CCDC192: variants seen among roughly 807,000 people sequenced by gnomAD.
The protein encoded by CCDC192 is coiled-coil domain containing 192, also known as coiled-coil domain-containing protein 192.
intron 5 of CCDC192, among the ~76,000 whole-genome samples, chr5:127,799,374 T>C (rs1400067495): frequency 1.3e-5 from 2 of 152,204 alleles, no homozygotes; most frequent in Non-Finnish European, 2.9e-5. Context: ...AATTGTCCAA[T>C]ATTGAAAATG....
rs11344791 is a variant in CCDC192, at chr5:127,904,495, CTTTTTTT to C, written c.535+28851_535+28857del. 1.4e-4 allele frequency among the ~76,000 whole-genome samples: 16 copies of C among 115,830 alleles called. No individual in the cohort carries two copies. In the East Asian group the frequency reaches 1.7e-3, roughly 12 times the overall value. The allele number at this position is 115,830 out of a possible 152,430, so 76.0% of individuals were successfully genotyped here. On this transcript the variant is annotated intron_variant, in intron 6 of 6. Transcript: ENST00000514853. ...CTGAAAAGCCTCATTTTGGCAGAGA[CTTTTTTT>C]TTTTTTTTTTTTTTTTCTGAGACTG...
intron 2 of CCDC192, among the ~76,000 whole-genome samples, chr5:127,736,848 C>G (rs1030459946): frequency 2.0e-5 from 3 of 149,890 alleles, no homozygotes; most frequent in Admixed American, 6.7e-5. Context: ...TGCTAGCGGT[C>G]TATCAATTTT....
At chr5:127,726,856 G>A (rs2126808781) in intron 2 of CCDC192, among the ~76,000 whole-genome samples, 1 of 152,232 alleles carries the variant, frequency 6.6e-6, no homozygotes, top group Middle Eastern at 3.4e-3. Flanking sequence ...TGGAGGAGTG[G>A]GATTCCTCCC....
chr5:127,809,854 C>T (rs73345092), intron 5 of CCDC192, among the ~76,000 whole-genome samples: 34 of 152,270 alleles, frequency 2.2e-4, no homozygotes, highest in African/African-American at 7.2e-4. Flanking sequence ...ATTTTTCAGA[C>T]AATGAAAATC....
At chr5:127,725,443 CA>C (rs1752266794) in intron 2 of CCDC192, among the ~76,000 whole-genome samples, 1 of 152,110 alleles carries the variant, frequency 6.6e-6, no homozygotes, top group Admixed American at 6.5e-5. Flanking sequence ...AAATTTTAAA[CA>C]GGTGAAATTA....
intron 2 of CCDC192, 135 bp from the exon 3 acceptor site, chr5:127,754,133 G>A (rs1403702238): frequency 2.6e-6 from 1 of 390,176 alleles, no homozygotes; most frequent in East Asian, 3.6e-5. Flanking sequence ...GTTAAGAAAA[G>A]GGGAGGATTT....
intron 6 of CCDC192, among the ~76,000 whole-genome samples, chr5:127,889,403 CTTTCT>C (rs1352783562): frequency 3.8e-4 from 47 of 123,738 alleles, no homozygotes; most frequent in African/African-American, 1.4e-3. Context: ...TCTTTTCTTT[CTTTCT>C]TTTTTTTTTT....
intron 1 of CCDC192, among the ~76,000 whole-genome samples, chr5:127,707,033 A>AT (rs1244269518): frequency 6.6e-6 from 1 of 152,200 alleles, no homozygotes; most frequent in African/African-American, 2.4e-5. Context: ...GTTGTGTAAA[A>AT]TAATCACTGG....
intron 2 of CCDC192, among the ~76,000 whole-genome samples, chr5:127,752,429 G>A (rs1281322093): frequency 6.6e-6 from 1 of 152,198 alleles, no homozygotes; most frequent in African/African-American, 2.4e-5. Flanking sequence ...CTGCTCGGGG[G>A]TCAGGGGTCA....
intron 2 of CCDC192, among the ~76,000 whole-genome samples, chr5:127,750,968 T>C (rs1440556675): frequency 3.4e-5 from 5 of 148,104 alleles, no homozygotes; most frequent in African/African-American, 1.0e-4. Context: ...ATTTGCTTGG[T>C]AGATCTTCCT....
intron 5 of CCDC192, among the ~76,000 whole-genome samples, chr5:127,856,688 T>C (rs1751114473): frequency 6.6e-6 from 1 of 152,254 alleles, no homozygotes; most frequent in African/African-American, 2.4e-5. Context: ...TGTAGGGTTA[T>C]TGATTGACCT....
chr5:127,871,170 G>A (rs549362183), intron 5 of CCDC192, among the ~76,000 whole-genome samples: 56 of 152,280 alleles, frequency 3.7e-4, no homozygotes, highest in African/African-American at 1.3e-3. Context: ...CCTAGGCACC[G>A]GGCCAGCTCT....
chr5:127,834,093 G>A (rs116481383), intron 5 of CCDC192, among the ~76,000 whole-genome samples: 348 of 152,192 alleles, frequency 2.3e-3, no homozygotes, highest in African/African-American at 8.0e-3. Flanking sequence ...TGGTAAAGGT[G>A]TTCTTACTCC....
At chr5:127,874,136 C>T (rs1389448459) in intron 5 of CCDC192, among the ~76,000 whole-genome samples, 4 of 152,162 alleles carry the variant, frequency 2.6e-5, no homozygotes, top group Admixed American at 6.5e-5. Context: ...AGTGCCACCT[C>T]TTTACAAGTA....
chr5:127,760,266 G>T (rs889917289), intron 3 of CCDC192, among the ~76,000 whole-genome samples: 59 of 147,546 alleles, frequency 4.0e-4, no homozygotes, highest in African/African-American at 1.4e-3. Flanking sequence ...TAATACAGTG[G>T]TTTTTTTTTT....
chr5:127,780,218 A>G (rs903634700), intron 3 of CCDC192, among the ~76,000 whole-genome samples: 1 of 152,050 alleles, frequency 6.6e-6, no homozygotes, highest in African/African-American at 2.4e-5. Flanking sequence ...TTGATTGATG[A>G]GCATTTGGGT....
intron 2 of CCDC192, chr5:127,740,098 C>T (rs555902640): frequency 6.6e-6 from 1 of 152,298 alleles, no homozygotes; most frequent in Non-Finnish European, 1.5e-5. Context: ...GGGAAATTAT[C>T]CAAACAGAGA....
chr5:127,907,178 T>A (rs370182270), intron 6 of CCDC192, among the ~76,000 whole-genome samples: 26 of 152,194 alleles, frequency 1.7e-4, no homozygotes, highest in African/African-American at 5.8e-4. Context: ...CAAGGAGTCA[T>A]ATCTGTGAAC....
chr5:127,708,798 G>A (rs1020279410), intron 2 of CCDC192, among the ~76,000 whole-genome samples: 4 of 152,088 alleles, frequency 2.6e-5, no homozygotes, highest in Admixed American at 6.6e-5. Flanking sequence ...CATTCCAGTG[G>A]GCTTCCGTGT....
Sources: allele counts gnomAD v4.1 joint callset (sites outside exome capture counted in the v4.1 genomes callset), GRCh38; gene constraint gnomAD v4.1.1; transcripts MANE v1.5; gene names NCBI Gene and HGNC (gene_info 2026-07-23, HGNC 2026-07-21).